Variants in RPS6KC1 observed in about 807,000 individuals in gnomAD.
The protein encoded by RPS6KC1 is inactive ribosomal protein S6 kinase delta-1.
A neutral mutation model predicts 103.8 loss-of-function variants in RPS6KC1; 54 were observed. The ratio of observed to expected loss-of-function variants is 0.52; its 90% CI spans 0.42 to 0.65. The LOEUF is 0.65. RPS6KC1 is among the 30% of genes least tolerant of loss of function. The pLI is 0.00. For missense variants in RPS6KC1, 1,151 were observed against 1,253.8 expected, an observed-to-expected ratio of 0.92 and a Z score of 1.24; for synonymous variants, 439 against 438.7, an observed-to-expected ratio of 1.00 and a Z score of -0.01.
chr1:213,703,973 T>C, the RPS6KC1 span, among the ~76,000 whole-genome samples: 8 of 152,198 alleles, frequency 5.3e-5, no homozygotes, highest in African/African-American at 1.9e-4. Flanking sequence ...ATTTGCCCTT[T>C]TAAGGCTATT....
the RPS6KC1 span, among the ~76,000 whole-genome samples, chr1:213,743,348 C>T: frequency 6.6e-6 from 1 of 152,020 alleles, no homozygotes; most frequent in African/African-American, 2.4e-5. Flanking sequence ...CAACTACAGA[C>T]ATAAACATGA....
In RPS6KC1 at chr1:213,051,438, G is replaced by T. The variant is rs1292928433; in HGVS notation, c.34G>T (p.Ala12Ser). The T allele has an allele frequency of 1.9e-6, 3 of 1,613,576 alleles. No individual in the cohort carries two copies. In the South Asian group the frequency reaches 3.3e-5, roughly 18 times the overall value. ...TSYRERSADL[A>S]RFYTVTEPQR... ...TTACCGGGAGCGGAGTGCCGACCTG[G>T]CCCGTTTCTACACTGTCACCGAGCC... Residue 12 changes from alanine (A) to serine (S), a missense_variant, in exon 1 of 15, where the codon GCC (alanine) becomes TCC (serine). Coordinates refer to ENST00000366960, the MANE Select transcript of RPS6KC1 (RefSeq NM_012424.6).
intron 8 of RPS6KC1, among the ~76,000 whole-genome samples, chr1:213,194,160 G>A (rs914662412): frequency 1.3e-5 from 2 of 152,146 alleles, no homozygotes; most frequent in Non-Finnish European, 2.9e-5. Context: ...CCATTGGCAT[G>A]GAGTATCTTT....
chr1:213,161,212 A>C (rs1270043315), intron 6 of RPS6KC1, among the ~76,000 whole-genome samples: 1 of 152,104 alleles, frequency 6.6e-6, no homozygotes, highest in African/African-American at 2.4e-5. Flanking sequence ...GATAGAGAAC[A>C]TTTTCACTCT....
intron 14 of RPS6KC1, among the ~76,000 whole-genome samples, chr1:213,272,253 T>C (rs2095063188): frequency 1.3e-5 from 2 of 152,218 alleles, no homozygotes; most frequent in Non-Finnish European, 1.5e-5. Context: ...TATCCTATTA[T>C]ATTACATGAG....
intron 8 of RPS6KC1, among the ~76,000 whole-genome samples, chr1:213,211,842 T>C (rs2093515575): frequency 6.6e-6 from 1 of 152,218 alleles, no homozygotes; most frequent in African/African-American, 2.4e-5. Context: ...TTTTAGTTAT[T>C]TGTGTAAAGA....
At chr1:213,460,787 T>C in the RPS6KC1 span, among the ~76,000 whole-genome samples, 1 of 152,186 alleles carries the variant, frequency 6.6e-6, no homozygotes, top group Non-Finnish European at 1.5e-5. Flanking sequence ...GGCCTGGTGG[T>C]GACAGAAATC....
At chr1:213,332,223 G>T in the RPS6KC1 span, among the ~76,000 whole-genome samples, 1 of 152,122 alleles carries the variant, frequency 6.6e-6, no homozygotes, top group African/African-American at 2.4e-5. Context: ...TATGCCACCT[G>T]CCCAGGGCCC....
chr1:213,160,820 T>C (rs7535369), intron 6 of RPS6KC1, among the ~76,000 whole-genome samples: 107,570 of 142,164 alleles, frequency 0.76, 40,048 homozygotes, highest in African/African-American at 0.88. Context: ...GGACACAGGG[T>C]GGGGAACATC....
chr1:213,226,318 T>A lies in RPS6KC1; in HGVS notation c.1045-4179T>A, dbSNP rs574243798. On this transcript the variant is annotated intron_variant, in intron 8 of 14. Coordinates refer to ENST00000366960, the MANE Select transcript of RPS6KC1 (RefSeq NM_012424.6). Reference sequence around the variant, plus strand: ...ATTCAACAGATGTTCAACAGATATTTATTGAGCTCTCCTTTGCAGAAGGAA... The same window carrying A: ...ATTCAACAGATGTTCAACAGATATTAATTGAGCTCTCCTTTGCAGAAGGAA... Among the ~76,000 whole-genome samples the A allele has an allele frequency of 5.3e-5, 8 of 152,320 alleles. No homozygotes were observed. The South Asian group carries it at 1.7e-3, about 32-fold the overall frequency.
At chr1:213,322,896 C>T in the RPS6KC1 span, among the ~76,000 whole-genome samples, 18 of 143,228 alleles carry the variant, frequency 1.3e-4, no homozygotes, top group South Asian at 1.6e-3. Context: ...TACAGGTGCC[C>T]GCCACCATGC....
At chr1:213,692,098 A>G in the RPS6KC1 span, among the ~76,000 whole-genome samples, 1 of 152,184 alleles carries the variant, frequency 6.6e-6, no homozygotes, top group Non-Finnish European at 1.5e-5. Flanking sequence ...ACAGGAGTGA[A>G]AGTTTATTAA....
At chr1:213,541,134 C>T in the RPS6KC1 span, among the ~76,000 whole-genome samples, 1 of 25,116 alleles carries the variant, frequency 4.0e-5, no homozygotes, top group Non-Finnish European at 1.2e-4. Flanking sequence ...GCTATCCTAA[C>T]CTCCTTTCAT....
At chr1:213,386,110 G>A in the RPS6KC1 span, among the ~76,000 whole-genome samples, 1 of 152,158 alleles carries the variant, frequency 6.6e-6, no homozygotes, top group Non-Finnish European at 1.5e-5. Context: ...AAGGGAGGGA[G>A]GGAGTTCTCA....
At chr1:213,254,908 A>G (rs145547341) in intron 12 of RPS6KC1, among the ~76,000 whole-genome samples, 1 of 152,332 alleles carries the variant, frequency 6.6e-6, no homozygotes, top group African/African-American at 2.4e-5. Flanking sequence ...ATGTAGCGGT[A>G]GGGAATGGGG....
At chr1:213,242,543 G>C in intron 11 of RPS6KC1, 26 bp from the exon 12 acceptor site, 1 of 1,570,560 alleles carries the variant, frequency 6.4e-7, no homozygotes, top group South Asian at 1.1e-5. Flanking sequence ...AAAATGTTTT[G>C]ATTTCTCCTG....
intron 8 of RPS6KC1, among the ~76,000 whole-genome samples, chr1:213,184,463 T>C (rs1485841005): frequency 1.3e-5 from 2 of 152,090 alleles, no homozygotes; most frequent in Non-Finnish European, 2.9e-5. Context: ...CAACTTTTCA[T>C]TTCATTGATC....
the RPS6KC1 span, among the ~76,000 whole-genome samples, chr1:213,310,049 G>A: frequency 1.3e-5 from 2 of 152,108 alleles, no homozygotes; most frequent in Admixed American, 6.5e-5. Flanking sequence ...CTCTTTCAAT[G>A]TATACCTGGA....
At chr1:213,745,778 G>T in the RPS6KC1 span, among the ~76,000 whole-genome samples, 2 of 152,146 alleles carry the variant, frequency 1.3e-5, no homozygotes, top group Admixed American at 6.5e-5. Context: ...CCGTCCTCCC[G>T]CACTTTGTCA....
Sources: gnomAD v4.1 joint callset for allele counts (sites outside exome capture counted in the v4.1 genomes callset) on GRCh38, gnomAD v4.1.1 for gene constraint, MANE v1.5 for transcripts, NCBI Gene and HGNC (gene_info 2026-07-23, HGNC 2026-07-21) for gene names.